Variants in PROCR observed in about 807,000 individuals in gnomAD.
The protein encoded by PROCR is endothelial protein C receptor.
PROCR carries 22 observed loss-of-function variants against 24.2 expected under a neutral mutation model. The observed-to-expected ratio is 0.91, with a 90% CI of 0.65 to 1.30. The LOEUF is 1.30. Among genes scored for constraint, PROCR ranks in the 50% most tolerant of loss-of-function variants. The probability of loss-of-function intolerance (pLI) is 0.00; values close to 1 mark genes in which losing one functional copy is unlikely to be tolerated. For missense variants in PROCR, 288 were observed against 307.7 expected, an observed-to-expected ratio of 0.94 and a Z score of 0.48; for synonymous variants, 137 against 139.2, an observed-to-expected ratio of 0.98 and a Z score of 0.11.
chr20:35,189,875 G>A (rs1343779813), intron 1 of PROCR, among the ~76,000 whole-genome samples: 16 of 152,224 alleles, frequency 1.1e-4, no homozygotes, highest in Middle Eastern at 3.4e-3. Context: ...ATAAATGGCT[G>A]GATGAATGAA....
chr20:35,197,471 T>C (rs1447423234), intron 1 of PROCR, among the ~76,000 whole-genome samples: 2 of 152,156 alleles, frequency 1.3e-5, no homozygotes, highest in African/African-American at 4.8e-5. Flanking sequence ...TGTGAGGCAA[T>C]ATACATTGAA....
Position 35,177,325 on chromosome 20 carries a change from CAATT to C in PROCR, c.*516_*519del, listed in dbSNP as rs1202511046. ...CATATGGCAGTGATCAATTATTAAT[CAATT>C]AATAATATTAATAAATTTCTTATAT... On this transcript the variant is annotated 3_prime_UTR_variant, in exon 4 of 4. Coordinates refer to ENST00000216968, the MANE Select transcript of PROCR (RefSeq NM_006404.5). 3 of 976,066 alleles carry C rather than the reference CAATT, an allele frequency of 3.1e-6. No homozygotes were observed. Among genetic ancestry groups the C allele is most frequent in the African/African-American group, 1.8e-5 (1 of 56,808 alleles). The allele number at this position is 976,066 out of a possible 1,614,324, so 60.5% of individuals were successfully genotyped here. A position where few individuals can be genotyped will look rare whatever the true frequency, so the allele number is the denominator to read the frequency against.
At chr20:35,196,371 G>A (rs1214853904) in intron 1 of PROCR, among the ~76,000 whole-genome samples, 1 of 151,946 alleles carries the variant, frequency 6.6e-6, no homozygotes, top group Admixed American at 6.6e-5. Context: ...TTACAGAATT[G>A]TAAAGCTCAG....
intron 1 of PROCR, among the ~76,000 whole-genome samples, chr20:35,208,576 A>G (rs2060350619): frequency 6.6e-6 from 1 of 152,112 alleles, no homozygotes; most frequent in African/African-American, 2.4e-5. Flanking sequence ...GCTGCCCCCT[A>G]CCGTGAACAT....
downstream of PROCR, among the ~76,000 whole-genome samples, chr20:35,179,327 A>C (rs534256357): frequency 1.3e-5 from 2 of 151,618 alleles, no homozygotes; most frequent in South Asian, 4.2e-4. Flanking sequence ...GGATTGCTTG[A>C]GCTCAGGGGT....
intron 1 of PROCR, among the ~76,000 whole-genome samples, chr20:35,201,212 A>C (rs2060316977): frequency 6.6e-6 from 1 of 152,136 alleles, no homozygotes; most frequent in Non-Finnish European, 1.5e-5. Context: ...AATATATTAA[A>C]TTGGAATATA....
In PROCR at chr20:35,176,992, G is replaced by A; in HGVS notation, c.*179G>A. The A allele has an allele frequency of 6.9e-7, 1 of 1,456,772 alleles. No individual in the cohort carries two copies. The highest frequency in any genetic ancestry group is 9.1e-7 in the Non-Finnish European group (1 of 1,104,848). 90.2% of individuals were successfully genotyped at this position (1,456,772 alleles called of 1,614,324 possible). ...GGGAGGGGAGATGGAGAGGAGAGGT[G>A]GACAAAGTACTTGGTTTGCTAAGAA... On this transcript the variant is annotated 3_prime_UTR_variant, in exon 4 of 4. Coordinates refer to ENST00000216968, the MANE Select transcript of PROCR (RefSeq NM_006404.5).
chr20:35,213,239 A>T (rs143237620), intron 1 of PROCR, among the ~76,000 whole-genome samples: 1 of 152,294 alleles, frequency 6.6e-6, no homozygotes, highest in Non-Finnish European at 1.5e-5. Flanking sequence ...AGGCTGAGAC[A>T]TGAGAATCGC....
rs970169054 is a variant in PROCR, at chr20:35,204,625, T to C, written c.95-11268T>C. 9.7e-4 allele frequency among the ~76,000 whole-genome samples: 148 copies of C among 151,942 alleles called. 1 individual carries two copies. The highest frequency in any genetic ancestry group is 1.8e-3 in the Non-Finnish European group (125 of 68,006). ...TCCTGGCTCAAGCAATCTGCCTGCC[T>C]TAGCTTCCCAAAGTGCTGGGATTAC... On this transcript the variant is annotated intron_variant, in intron 1 of 1. Transcript: ENST00000634509.
In PROCR at chr20:35,172,113, C is replaced by T. The variant is rs1057438206; in HGVS notation, c.-42C>T. 1 of 1,602,868 alleles carries T rather than the reference C, an allele frequency of 6.2e-7. No homozygotes were observed. The highest frequency in any genetic ancestry group is 8.5e-7 in the Non-Finnish European group (1 of 1,169,866). ...GACTGCAGCCAGCGGAGCCCGCAGC[C>T]GGCCCGAGCCAGGAACCCAGGTCCG... is the stretch of plus-strand genomic sequence containing the variant. On this transcript the variant is annotated 5_prime_UTR_variant, in exon 1 of 4. Coordinates refer to ENST00000216968, the MANE Select transcript of PROCR (RefSeq NM_006404.5).
intron 1 of PROCR, among the ~76,000 whole-genome samples, chr20:35,204,831 T>C (rs1420346103): frequency 1.3e-5 from 2 of 152,154 alleles, no homozygotes; most frequent in African/African-American, 4.8e-5. Context: ...AAGAAAACTA[T>C]AGAACAATAC....
downstream of PROCR, chr20:35,177,391 C>A: frequency 1.0e-6 from 1 of 979,338 alleles, no homozygotes; most frequent in South Asian, 4.7e-5. Flanking sequence ...TGCAAAATTT[C>A]TGGAAAAGTA....
intron 1 of PROCR, among the ~76,000 whole-genome samples, chr20:35,172,782 T>G (rs2085963287): frequency 6.6e-6 from 1 of 152,138 alleles, no homozygotes; most frequent in African/African-American, 2.4e-5. Flanking sequence ...TGGCCCTGTT[T>G]AAGCAGAAAA....
At chr20:35,202,845 G>A (rs907678941) in intron 1 of PROCR, 1 of 152,134 alleles carries the variant, frequency 6.6e-6, no homozygotes, top group Admixed American at 6.6e-5. Context: ...TTATCAACTG[G>A]TTTAATATAA....
At chr20:35,179,372 T>G (rs2086058176), downstream of PROCR, among the ~76,000 whole-genome samples, 1 of 151,468 alleles carries the variant, frequency 6.6e-6, no homozygotes, top group African/African-American at 2.4e-5. Flanking sequence ...TGAGACCCTG[T>G]CTCTACAAAA....
intron 1 of PROCR, chr20:35,203,293 TC>T (rs935485390): frequency 2.0e-5 from 3 of 149,390 alleles, no homozygotes. Flanking sequence ...AATAGAAAAC[TC>T]CCCCAGCCTG....
At chr20:35,175,218 C>G (rs1469011050) in intron 2 of PROCR, among the ~76,000 whole-genome samples, 1 of 152,028 alleles carries the variant, frequency 6.6e-6, no homozygotes, top group Non-Finnish European at 1.5e-5. Flanking sequence ...GGCCCTGACA[C>G]CGTGACGTCG....
chr20:35,171,181 G>A (rs961353018), upstream of PROCR, among the ~76,000 whole-genome samples: 3 of 152,120 alleles, frequency 2.0e-5, no homozygotes, highest in Admixed American at 6.6e-5. Flanking sequence ...CAGCATGCTC[G>A]GAGGAGTGAC....
intron 1 of PROCR, among the ~76,000 whole-genome samples, chr20:35,191,354 T>A (rs552110382): frequency 6.6e-6 from 1 of 152,326 alleles, no homozygotes; most frequent in East Asian, 1.9e-4. Context: ...GTGACTTCTA[T>A]GGTTCAGACG....
Sources: gnomAD v4.1 joint callset for allele counts (sites outside exome capture counted in the v4.1 genomes callset) on GRCh38, gnomAD v4.1.1 for gene constraint, MANE v1.5 for transcripts, NCBI Gene and HGNC (gene_info 2026-07-23, HGNC 2026-07-21) for gene names.